Variants in PHLDB2 observed in about 807,000 individuals in gnomAD.
PHLDB2 encodes pleckstrin homology-like domain family B member 2.
A neutral mutation model predicts 123.6 loss-of-function variants in PHLDB2; 71 were observed. The ratio of observed to expected loss-of-function variants is 0.57; its 90% confidence interval spans 0.47 to 0.70. PHLDB2 has a LOEUF of 0.70. Ranked by LOEUF, PHLDB2 falls within the 30% of genes least tolerant of loss-of-function variation. The probability of loss-of-function intolerance (pLI) is 0.00; values close to 1 mark genes in which losing one functional copy is unlikely to be tolerated. For missense variants in PHLDB2, 1,446 were observed against 1,519.5 expected, an observed-to-expected ratio of 0.95 and a Z score of 0.80; for synonymous variants, 547 against 541.6, an observed-to-expected ratio of 1.01 and a Z score of -0.14.
chr3:111,768,988 A>C (rs2060129234), intron 1 of PHLDB2, among the ~76,000 whole-genome samples: 1 of 152,242 alleles, frequency 6.6e-6, no homozygotes, highest in Non-Finnish European at 1.5e-5. Flanking sequence ...TGGGCCAATG[A>C]AAACAATGCC....
intron 13 of PHLDB2, among the ~76,000 whole-genome samples, chr3:111,962,648 C>T (rs763231716): frequency 2.0e-5 from 3 of 152,070 alleles, no homozygotes; most frequent in Non-Finnish European, 2.9e-5. Flanking sequence ...AAAAAGAGGG[C>T]CCAGGCACAG....
At position 111,805,744 on chromosome 3, in the gene PHLDB2, A is replaced by C. The variant is rs1006482829; in HGVS notation, c.-48-40077A>C. On this transcript the variant is annotated intron_variant, in intron 1 of 17. Coordinates refer to the PHLDB2 transcript ENST00000393923. Reference sequence around the variant, plus strand: ...AAGCAGGTCAGTGGTGCCTGGGGCCAGGGGTGGTGAGTGGGAGTGTTGACT... The same window carrying C: ...AAGCAGGTCAGTGGTGCCTGGGGCCCGGGGTGGTGAGTGGGAGTGTTGACT... 1.7e-4 allele frequency among the ~76,000 whole-genome samples: 25 copies of C among 148,054 alleles called. 1 individual carries two copies. The highest frequency in any genetic ancestry group is 5.8e-4 in the African/African-American group (23 of 39,612).
intron 2 of PHLDB2, among the ~76,000 whole-genome samples, chr3:111,892,883 T>C (rs146911356): frequency 8.5e-4 from 129 of 152,332 alleles, no homozygotes; most frequent in Middle Eastern, 3.4e-3. Context: ...AATAAACTTA[T>C]ATGTTCTCTA....
rs202030782 is a variant in PHLDB2, at chr3:111,754,058, T to C, written c.-49+21355T>C. Among the ~76,000 whole-genome samples, 9 of 152,202 alleles carry C rather than the reference T, an allele frequency of 5.9e-5. No homozygotes were observed. The East Asian group carries it at 1.7e-3, about 29-fold the overall frequency. ...TGCTGTTTTGGTTACTGTAGCCTTGTAGTATAGTTTGAAGTCAGGTAGCGT... is the reference window on the plus strand; with the variant it reads ...TGCTGTTTTGGTTACTGTAGCCTTGCAGTATAGTTTGAAGTCAGGTAGCGT... On this transcript the variant is annotated intron_variant, in intron 1 of 17. Coordinates refer to the PHLDB2 transcript ENST00000393923.
At chr3:111,858,845 G>A (rs963194087), upstream of PHLDB2, among the ~76,000 whole-genome samples, 11 of 152,162 alleles carry the variant, frequency 7.2e-5, no homozygotes, top group South Asian at 2.1e-4. Flanking sequence ...CTTGGAAGAG[G>A]TTCACATTCC....
Position 111,974,307 on chromosome 3 carries a change from C to T in PHLDB2, c.3622-116C>T, listed in dbSNP as rs183000060. The stretch of plus-strand genomic sequence containing the variant: ...GTGAGTTATAGTAGAGCAAAAGTAA[C>T]GCCTTTGTAAATTTAATAAATTGAA... On this transcript the variant is annotated intron_variant, in intron 17 of 17. Coordinates refer to ENST00000431670, the MANE Select transcript of PHLDB2 (RefSeq NM_001134438.2). 1.2e-4 allele frequency: 119 copies of T among 1,001,878 alleles called. No individual in the cohort carries two copies. In the African/African-American group the frequency reaches 1.6e-3, roughly 13 times the overall value. The allele number at this position is 1,001,878 out of a possible 1,614,324, so 62.1% of individuals were successfully genotyped here. A position where few individuals can be genotyped will look rare whatever the true frequency, so the allele number is the denominator to read the frequency against.
At chr3:111,826,166 A>G (rs373447940) in intron 1 of PHLDB2, among the ~76,000 whole-genome samples, 5 of 152,114 alleles carry the variant, frequency 3.3e-5, no homozygotes, top group African/African-American at 1.2e-4. Flanking sequence ...AGAATTAGCT[A>G]GGCATGGTGG....
intron 1 of PHLDB2, among the ~76,000 whole-genome samples, chr3:111,876,271 C>T (rs1453926668): frequency 6.6e-6 from 1 of 152,106 alleles, no homozygotes; most frequent in African/African-American, 2.4e-5. Context: ...AGGATTTTGG[C>T]TTGACCCCTA....
intron 1 of PHLDB2, among the ~76,000 whole-genome samples, chr3:111,809,553 G>T (rs2061738278): frequency 6.6e-6 from 1 of 152,114 alleles, no homozygotes; most frequent in Non-Finnish European, 1.5e-5. Context: ...TCTTAAAATG[G>T]ATTCTTTTTA....
chr3:111,767,066 C>A (rs202153525), intron 1 of PHLDB2, among the ~76,000 whole-genome samples: 1 of 143,862 alleles, frequency 7.0e-6, no homozygotes, highest in African/African-American at 2.6e-5. Flanking sequence ...AGTCCAAAAA[C>A]AGTATTAAAG....
At chr3:111,829,418 A>G (rs1343520525) in intron 1 of PHLDB2, among the ~76,000 whole-genome samples, 1 of 151,368 alleles carries the variant, frequency 6.6e-6, no homozygotes, top group African/African-American at 2.4e-5. Context: ...AAAAAAAAAA[A>G]AAGTCCTAAC....
At chr3:111,752,731 C>A (rs2059804150) in intron 1 of PHLDB2, among the ~76,000 whole-genome samples, 1 of 151,770 alleles carries the variant, frequency 6.6e-6, no homozygotes, top group Admixed American at 6.6e-5. Flanking sequence ...ATGCGCCATG[C>A]TGGTGTGCTG....
intron 1 of PHLDB2, among the ~76,000 whole-genome samples, chr3:111,788,914 A>C (rs1344882089): frequency 6.6e-6 from 1 of 152,198 alleles, no homozygotes; most frequent in Non-Finnish European, 1.5e-5. Context: ...TCAGACACAT[A>C]GTAGGTGCTC....
chr3:111,773,911 C>T (rs1398831869), intron 1 of PHLDB2, among the ~76,000 whole-genome samples: 1 of 152,184 alleles, frequency 6.6e-6, no homozygotes, highest in Non-Finnish European at 1.5e-5. Context: ...GCACTCTCTT[C>T]CCACCACTTA....
At chr3:111,861,256 A>G (rs959713609) in intron 1 of PHLDB2, among the ~76,000 whole-genome samples, 3 of 152,226 alleles carry the variant, frequency 2.0e-5, no homozygotes, top group African/African-American at 7.2e-5. Context: ...AGGTTCTTTG[A>G]AAAGTAACAG....
At chr3:111,876,421 C>A (rs2065622473) in intron 1 of PHLDB2, among the ~76,000 whole-genome samples, 1 of 152,084 alleles carries the variant, frequency 6.6e-6, no homozygotes, top group South Asian at 2.1e-4. Flanking sequence ...TTACCATTGA[C>A]TAGAAGCCTT....
rs940858865 is a variant in PHLDB2 at position 111,959,498 on chromosome 3, G to A, written c.2873-2610G>A. ...TTTTCGTTTAAGTTGCCATGAAAAT[G>A]TAAAATGCTTATCCTACCACCAGAA... On this transcript the variant is annotated intron_variant, in intron 12 of 17. Transcript: ENST00000431670. Among the ~76,000 whole-genome samples the A allele has an allele frequency of 5.9e-5, 9 of 152,222 alleles. 1 individual carries two copies. Among genetic ancestry groups the A allele is most frequent in the Admixed American group, 5.9e-4 (9 of 15,280 alleles).
intron 1 of PHLDB2, among the ~76,000 whole-genome samples, chr3:111,792,266 C>CATTTTATA (rs1422070485): frequency 6.6e-6 from 1 of 152,126 alleles, no homozygotes; most frequent in African/African-American, 2.4e-5. Flanking sequence ...CTGAAAGAAT[C>CATTTTATA]ATTTTATAAT....
chr3:111,855,441 C>T (rs2064442644), upstream of PHLDB2, among the ~76,000 whole-genome samples: 1 of 151,278 alleles, frequency 6.6e-6, no homozygotes, highest in Non-Finnish European at 1.5e-5. Context: ...TTCTCTCTCT[C>T]CCCCTCCCGC....
Sources: gnomAD v4.1 joint callset for allele counts (sites outside exome capture counted in the v4.1 genomes callset) on GRCh38, gnomAD v4.1.1 for gene constraint, MANE v1.5 for transcripts, NCBI Gene and HGNC (gene_info 2026-07-23, HGNC 2026-07-21) for gene names.